The following MYO18B variants were observed in gnomAD, a reference collection of about 807,000 sequenced individuals.
MYO18B encodes the protein unconventional myosin-XVIIIb.
MYO18B carries 204 observed loss-of-function variants against 273.0 expected under a neutral mutation model. The ratio of observed to expected loss-of-function variants is 0.75; its 90% CI spans 0.67 to 0.84. MYO18B has a LOEUF of 0.84. Ranked by LOEUF, MYO18B falls within the 40% of genes least tolerant of loss-of-function variation. The pLI, the probability that MYO18B is intolerant of heterozygous loss-of-function variation, is 0.00. For missense variants in MYO18B, 3,212 were observed against 3,287.6 expected (o/e 0.98, Z 0.56); for synonymous variants, 1,330 against 1,305.7 (o/e 1.02, Z -0.40).
Position 25,780,175 on chromosome 22 carries a change from C to A in MYO18B, c.2188C>A (p.Arg730Ser). The A allele has an allele frequency of 6.2e-7, 1 of 1,605,806 alleles. No homozygotes were observed. Among genetic ancestry groups the A allele is most frequent in the East Asian group, 2.2e-5 (1 of 44,648 alleles). ...VMSLDFNATGRITAAQLQTML... is the reference protein window; with the variant it reads ...VMSLDFNATGSITAAQLQTML... ...GTCGCTGGACTTCAACGCTACAGGC[C>A]GCATCACAGCTGCTCAGCTCCAGGT... Residue 730 changes from arginine to serine, a missense_variant, in exon 9 of 44, where the codon CGC becomes AGC. Arg to Ser is a moderately radical substitution (Grantham distance 110). Coordinates refer to ENST00000335473, the MANE Select transcript of MYO18B (RefSeq NM_032608.7).
chr22:25,770,009 T>C, intron 4 of MYO18B, 101 bp from the exon 5 acceptor site: 6 of 1,228,884 alleles, frequency 4.9e-6, no homozygotes, highest in Non-Finnish European at 7.2e-6. Context: ...GAGATTCTGG[T>C]TTAGATGGCT....
intron 34 of MYO18B, among the ~76,000 whole-genome samples, chr22:25,932,552 G>A (rs1469681706): frequency 6.6e-6 from 1 of 151,880 alleles, no homozygotes; most frequent in Non-Finnish European, 1.5e-5. Flanking sequence ...GGGATTATAG[G>A]CATGCGTCAC....
intron 42 of MYO18B, among the ~76,000 whole-genome samples, chr22:26,016,125 A>G (rs1053953552): frequency 2.0e-5 from 3 of 152,252 alleles, no homozygotes; most frequent in Non-Finnish European, 4.4e-5. Context: ...ATGTCTCTGC[A>G]TGGAAAGTGA....
At chr22:25,946,292 T>C in intron 35 of MYO18B, 42 bp downstream of exon 35, 2 of 1,428,902 alleles carry the variant, frequency 1.4e-6, no homozygotes, top group Non-Finnish European at 9.6e-7. Context: ...TGGGCCAGCA[T>C]AGGCCTCTGG....
At chr22:25,941,073 C>T (rs1005893913) in intron 34 of MYO18B, among the ~76,000 whole-genome samples, 3 of 152,116 alleles carry the variant, frequency 2.0e-5, no homozygotes, top group Non-Finnish European at 2.9e-5. Flanking sequence ...GCTTTGTACC[C>T]ACATACTCAT....
intron 12 of MYO18B, among the ~76,000 whole-genome samples, chr22:25,813,462 A>G (rs2088858063): frequency 6.6e-6 from 1 of 152,172 alleles, no homozygotes; most frequent in East Asian, 1.9e-4. Flanking sequence ...TGGATGGTGG[A>G]TGATGCTGGG....
chr22:25,766,447 A>G (rs2086510456), intron 3 of MYO18B, among the ~76,000 whole-genome samples: 2 of 152,302 alleles, frequency 1.3e-5, no homozygotes, highest in South Asian at 4.1e-4. Context: ...GAGACACAAA[A>G]GCCAGAATGG....
At chr22:26,047,629 A>G in the MYO18B span, among the ~76,000 whole-genome samples, 10 of 152,196 alleles carry the variant, frequency 6.6e-5, no homozygotes, top group Admixed American at 2.6e-4. Flanking sequence ...GTCCAAACAG[A>G]TATGTTGTAA....
chr22:25,840,525 G>A (rs189520959), intron 17 of MYO18B, among the ~76,000 whole-genome samples: 1 of 152,362 alleles, frequency 6.6e-6, no homozygotes, highest in African/African-American at 2.4e-5. Context: ...CTTGGGGAAG[G>A]CCAGCTGCAT....
chr22:25,839,076 ATATG>A (rs756092307), intron 17 of MYO18B, among the ~76,000 whole-genome samples: 13 of 150,662 alleles, frequency 8.6e-5, no homozygotes, highest in African/African-American at 2.4e-4. Context: ...ATGTATGTAT[ATATG>A]TATTAGTGTG....
At chr22:25,848,526 A>G (rs898544539) in intron 20 of MYO18B, among the ~76,000 whole-genome samples, 2 of 152,212 alleles carry the variant, frequency 1.3e-5, no homozygotes, top group African/African-American at 4.8e-5. Context: ...GGCATCCACC[A>G]GCGCAGGCTG....
At chr22:25,882,218 C>T (rs1310474374) in intron 25 of MYO18B, among the ~76,000 whole-genome samples, 1 of 132,372 alleles carries the variant, frequency 7.6e-6, no homozygotes, top group African/African-American at 3.2e-5. Context: ...GTCAAATAAT[C>T]CCAGTCCCTG....
intron 12 of MYO18B, among the ~76,000 whole-genome samples, chr22:25,822,590 GA>G (rs2145886843): frequency 6.6e-6 from 1 of 152,350 alleles, no homozygotes; most frequent in South Asian, 2.1e-4. Flanking sequence ...ACAGTAAGCA[GA>G]TGGCTAGTTG....
chr22:25,885,947 C>T (rs1483420273), intron 25 of MYO18B, among the ~76,000 whole-genome samples: 1 of 152,186 alleles, frequency 6.6e-6, no homozygotes, highest in Non-Finnish European at 1.5e-5. Context: ...ACATCCAGAG[C>T]CTATAGAGCC....
intron 19 of MYO18B, among the ~76,000 whole-genome samples, chr22:25,847,092 T>C (rs8141828): frequency 1.5e-5 from 2 of 137,268 alleles, no homozygotes; most frequent in Admixed American, 7.3e-5. Flanking sequence ...AAAAAAAAAA[T>C]AAAGAAAGAA....
intron 25 of MYO18B, among the ~76,000 whole-genome samples, chr22:25,882,849 G>A (rs1403807030): frequency 6.6e-6 from 1 of 152,098 alleles, no homozygotes; most frequent in African/African-American, 2.4e-5. Flanking sequence ...CCCAAATAGT[G>A]TGCCTTATAT....
intron 37 of MYO18B, among the ~76,000 whole-genome samples, chr22:25,951,979 T>C (rs1264075532): frequency 6.6e-6 from 1 of 152,174 alleles, no homozygotes; most frequent in African/African-American, 2.4e-5. Context: ...TGCTCCTTGA[T>C]CAGAGCAGGG....
At chr22:25,901,475 C>T (rs915346270) in intron 29 of MYO18B, 2 of 152,220 alleles carry the variant, frequency 1.3e-5, no homozygotes, top group East Asian at 1.9e-4. Flanking sequence ...GTGGTCATCA[C>T]AGAAGGGCAG....
intron 10 of MYO18B, among the ~76,000 whole-genome samples, chr22:25,782,687 G>T (rs571251572): frequency 2.2e-4 from 33 of 152,290 alleles, no homozygotes; most frequent in African/African-American, 7.5e-4. Flanking sequence ...CCTCACCATT[G>T]TTTGTTCCCC....
Sources: allele counts gnomAD v4.1 joint callset (sites outside exome capture counted in the v4.1 genomes callset), GRCh38; gene constraint gnomAD v4.1.1; transcripts MANE v1.5; gene names NCBI Gene and HGNC (gene_info 2026-07-23, HGNC 2026-07-21).